Variants in ASAP1 observed in about 807,000 individuals in gnomAD.
The protein encoded by ASAP1 is ArfGAP with SH3 domain, ankyrin repeat and PH domain 1.
ASAP1 carries 43 observed loss-of-function variants against 145.2 expected under a neutral mutation model. The observed-to-expected ratio is 0.30, with a 90% CI of 0.23 to 0.38. ASAP1 has a LOEUF of 0.38. Among genes scored for constraint, ASAP1 ranks in the 10% least tolerant of loss-of-function variants. The pLI is 1.00. For synonymous variants in ASAP1, 546 were observed against 515.5 expected (o/e 1.06, Z -0.80); for missense variants, 1,018 against 1,355.3 (o/e 0.75, Z 3.91).
intron 3 of ASAP1, among the ~76,000 whole-genome samples, chr8:130,303,912 C>T (rs1489524448): frequency 6.6e-6 from 1 of 152,138 alleles, no homozygotes; most frequent in Non-Finnish European, 1.5e-5. Context: ...ACACTATGAA[C>T]TTACATTAGT....
chr8:130,441,897 A>G (rs891896586), intron 1 of ASAP1, among the ~76,000 whole-genome samples: 2 of 152,210 alleles, frequency 1.3e-5, no homozygotes, highest in African/African-American at 4.8e-5. Flanking sequence ...CTGAAAATCA[A>G]GTCTAGAGAA....
intron 26 of ASAP1, 113 bp downstream of exon 26, chr8:130,079,789 T>C: frequency 2.8e-6 from 3 of 1,086,948 alleles, no homozygotes; most frequent in South Asian, 1.4e-5. Flanking sequence ...CTGCCCCACT[T>C]GGCTGACCAC....
chr8:130,285,313 A>G (rs532680942), intron 3 of ASAP1, among the ~76,000 whole-genome samples: 1 of 152,292 alleles, frequency 6.6e-6, no homozygotes, highest in African/African-American at 2.4e-5. Flanking sequence ...GTAAACCACC[A>G]AGTTGGAAAG....
intron 3 of ASAP1, among the ~76,000 whole-genome samples, chr8:130,334,266 AACAAAAATATCAAGC>A (rs1439676511): frequency 2.0e-5 from 3 of 152,246 alleles, no homozygotes; most frequent in Non-Finnish European, 2.9e-5. Context: ...TAACAACAAC[AACAAAAATATCAAGC>A]ACATCAAATA....
Position 130,090,815 on chromosome 8 carries a change from G to A in ASAP1, c.2572+1158C>T, listed in dbSNP as rs568664823. Among the ~76,000 whole-genome samples, 6 of 152,280 alleles carry A rather than the reference G, an allele frequency of 3.9e-5. No homozygotes were observed. The South Asian group carries it at 6.2e-4, about 16-fold the overall frequency. ...CATGCTTGCACACACATAACCCGGG[G>A]TGTCTGGGCCAGATGGTGAACAGGT... On this transcript the variant is annotated intron_variant, in intron 25 of 29. Transcript: ENST00000518721.
intron 27 of ASAP1, among the ~76,000 whole-genome samples, chr8:130,071,011 G>GGGGAGAGAGAGAGA (rs2097444917): frequency 1.7e-4 from 2 of 11,438 alleles, no homozygotes; most frequent in African/African-American, 9.0e-4. Flanking sequence ...GGGGAGGGGG[G>GGGGAGAGAGAGAGA]GAGAGAGAGA....
At chr8:130,251,620 GA>G (rs1417441854) in intron 3 of ASAP1, among the ~76,000 whole-genome samples, 1 of 151,890 alleles carries the variant, frequency 6.6e-6, no homozygotes, top group African/African-American at 2.4e-5. Context: ...AACTAAGAGG[GA>G]AAAATACAAC....
At chr8:130,207,696 C>A (rs1045805205) in intron 5 of ASAP1, among the ~76,000 whole-genome samples, 14 of 152,150 alleles carry the variant, frequency 9.2e-5, no homozygotes, top group Admixed American at 3.3e-4. Context: ...AAGTATGCCA[C>A]AAATATAGTA....
In ASAP1 at chr8:130,054,039, T is replaced by G. The variant is rs972749655; in HGVS notation, c.*692A>C. The G allele has an allele frequency of 6.6e-6, 1 of 152,650 alleles. No homozygotes were observed. The highest frequency in any genetic ancestry group is 2.4e-5 in the African/African-American group (1 of 41,458). 9.5% of individuals were successfully genotyped at this position (152,650 alleles called of 1,614,324 possible). On this transcript the variant is annotated 3_prime_UTR_variant, in exon 30 of 30. Coordinates refer to ENST00000518721, the MANE Select transcript of ASAP1 (RefSeq NM_018482.4). ...AAAATAGTCATGAAAGATATGTTAT[T>G]TTTGCATAATGAGGTAATATATCAG...
At chr8:130,068,541 C>G (rs73405563) in intron 27 of ASAP1, among the ~76,000 whole-genome samples, 18,469 of 152,222 alleles carry the variant, frequency 0.12, 1,553 homozygotes, top group African/African-American at 0.23. Flanking sequence ...GGGGCAGTAT[C>G]TTTGGTTTTA....
chr8:130,370,325 A>AC (rs1565256250), intron 2 of ASAP1, among the ~76,000 whole-genome samples: 13 of 152,098 alleles, frequency 8.5e-5, no homozygotes, highest in Non-Finnish European at 1.5e-4. Flanking sequence ...AAACAAACAA[A>AC]AAAAACAGAG....
chr8:130,361,727 G>T, intron 2 of ASAP1: 5 of 1,535,760 alleles, frequency 3.3e-6, no homozygotes, highest in Non-Finnish European at 4.4e-6. Context: ...AAAACCATCT[G>T]CACCTCTCAT....
chr8:130,358,056 C>T lies in ASAP1; in HGVS notation c.147G>A (p.Arg49=), dbSNP rs530965226. Residue 49 remains arginine, a synonymous_variant, in exon 3 of 30, where the codon CGG becomes CGA. Coordinates refer to ENST00000518721, the MANE Select transcript of ASAP1 (RefSeq NM_018482.4). The surrounding 1 kb of genome is among the most constrained non-coding windows in gnomAD (Gnocchi z 4.1). ...NSPTTSSFTT[R]LHNCRNTVTL... The stretch of plus-strand genomic sequence containing the variant: ...TGACGGTGTTCCTGCAGTTGTGCAG[C>T]CGCGTGGTGAAGCTGGACGTGGTGG... 7.4e-6 allele frequency: 12 copies of T among 1,610,838 alleles called. No individual in the cohort carries two copies. The highest frequency in any genetic ancestry group is 9.3e-6 in the Non-Finnish European group (11 of 1,178,970).
At chr8:130,151,139 G>A (rs987521667) in intron 13 of ASAP1, among the ~76,000 whole-genome samples, 8 of 152,016 alleles carry the variant, frequency 5.3e-5, no homozygotes, top group Admixed American at 2.0e-4. Context: ...TTGGGAGGCC[G>A]AAGCGGGCAG....
At chr8:130,395,389 G>T (rs1828479467) in intron 2 of ASAP1, among the ~76,000 whole-genome samples, 1 of 152,220 alleles carries the variant, frequency 6.6e-6, no homozygotes, top group Non-Finnish European at 1.5e-5. Context: ...AATTAAGGTG[G>T]TGATTAAGAT....
chr8:130,300,855 A>C (rs1399808078), intron 3 of ASAP1, among the ~76,000 whole-genome samples: 1 of 152,198 alleles, frequency 6.6e-6, no homozygotes, highest in African/African-American at 2.4e-5. Flanking sequence ...TGCTCTCTGG[A>C]CCAAGTTTCA....
Position 130,401,787 on chromosome 8 carries a change from T to C in ASAP1, c.59+98A>G, listed in dbSNP as rs1474183075. On this transcript the variant is annotated intron_variant, in intron 2 of 29. Coordinates refer to ENST00000518721, the MANE Select transcript of ASAP1 (RefSeq NM_018482.4). ...CACAGTCTCTGTTAGATTCCAGTGC[T>C]TGTGTTTGATAAAATTTTGCATTTC... 1.3e-5 allele frequency: 14 copies of C among 1,108,058 alleles called. No individual in the cohort carries two copies. In the East Asian group the frequency reaches 2.8e-4, roughly 22 times the overall value. 68.6% of individuals were successfully genotyped at this position (1,108,058 alleles called of 1,614,324 possible).
At position 130,089,908 on chromosome 8, in the gene ASAP1, G is replaced by C. The variant is rs566122377; in HGVS notation, c.2572+2065C>G. Among the ~76,000 whole-genome samples the C allele has an allele frequency of 1.3e-5, 2 of 151,980 alleles. 1 individual carries two copies. Among genetic ancestry groups the C allele is most frequent in the East Asian group, 3.9e-4 (2 of 5,172 alleles). The stretch of plus-strand genomic sequence containing the variant: ...CAATCAAAAGTCCATGCCATGTGGC[G>C]AACTGTCACTGTGGCCGAGGACAGA... On this transcript the variant is annotated intron_variant, in intron 25 of 29. Transcript: ENST00000518721.
At chr8:130,152,532 A>G in intron 13 of ASAP1, 1 of 391,258 alleles carries the variant, frequency 2.6e-6, no homozygotes, top group Non-Finnish European at 4.5e-6. Context: ...AGAGAGCAAA[A>G]AAACAAGTTT....
Sources: allele counts gnomAD v4.1 joint callset (sites outside exome capture counted in the v4.1 genomes callset), GRCh38; gene constraint gnomAD v4.1.1; non-coding constraint Gnocchi (gnomAD v3.1); transcripts MANE v1.5; gene names NCBI Gene and HGNC (gene_info 2026-07-23, HGNC 2026-07-21).